The following RAB40C variants were observed in gnomAD, a reference collection of about 807,000 sequenced individuals.
RAB40C encodes the protein ras-related protein Rab-40C.
In RAB40C, 8 loss-of-function variants were observed where a neutral mutation model predicts 28.1. The observed-to-expected ratio is 0.28, with a 90% CI of 0.17 to 0.51. The LOEUF (loss-of-function observed/expected upper bound fraction) is 0.51. RAB40C is among the 20% of genes least tolerant of loss of function. The pLI, the probability that RAB40C is intolerant of heterozygous loss-of-function variation, is 0.97. For missense variants in RAB40C, 288 were observed against 405.9 expected, an observed-to-expected ratio of 0.71 and a Z score of 2.50; for synonymous variants, 201 against 171.7, an observed-to-expected ratio of 1.17 and a Z score of -1.34.
chr16:622,944 C>G (rs746224969), intron 3 of RAB40C, among the ~76,000 whole-genome samples: 1 of 152,188 alleles, frequency 6.6e-6, no homozygotes, highest in Admixed American at 6.5e-5. Flanking sequence ...TGCTGGTCAC[C>G]GAGAGTCTCC....
At chr16:622,563 C>T (rs368288404) in intron 3 of RAB40C, among the ~76,000 whole-genome samples, 13 of 152,290 alleles carry the variant, frequency 8.5e-5, no homozygotes, top group African/African-American at 2.4e-4. Flanking sequence ...GCTGGAGTGC[C>T]GTGGCGCGAT....
At chr16:603,740 C>T (rs1316589952) in intron 1 of RAB40C, among the ~76,000 whole-genome samples, 1 of 152,120 alleles carries the variant, frequency 6.6e-6, no homozygotes, top group Non-Finnish European at 1.5e-5. Flanking sequence ...CACATCCACT[C>T]TCCTCCCAGA....
intron 1 of RAB40C, among the ~76,000 whole-genome samples, chr16:595,290 C>G (rs2036090033): frequency 6.6e-6 from 1 of 152,224 alleles, no homozygotes; most frequent in Admixed American, 6.5e-5. Flanking sequence ...GGCAGCACCA[C>G]CCCCACTGTG....
intron 1 of RAB40C, among the ~76,000 whole-genome samples, chr16:600,041 C>T (rs61177993): frequency 3.3e-5 from 5 of 151,178 alleles, no homozygotes; most frequent in South Asian, 2.1e-4. Flanking sequence ...TTTGTTCCCT[C>T]GTGGCATCAG....
intron 1 of RAB40C, among the ~76,000 whole-genome samples, chr16:591,296 C>T (rs1450638605): frequency 4.7e-5 from 7 of 149,988 alleles, no homozygotes; most frequent in Non-Finnish European, 1.5e-5. Flanking sequence ...GCATCATGGT[C>T]CTAAGGGAAG....
At chr16:611,666 G>A (rs1270510459) in intron 1 of RAB40C, among the ~76,000 whole-genome samples, 4 of 143,434 alleles carry the variant, frequency 2.8e-5, no homozygotes, top group Non-Finnish European at 6.1e-5. Flanking sequence ...CAAGAGCAGA[G>A]ACAGCCGCCC....
chr16:604,332 A>G (rs185653670), intron 1 of RAB40C, among the ~76,000 whole-genome samples: 2 of 152,342 alleles, frequency 1.3e-5, no homozygotes, highest in South Asian at 2.1e-4. Context: ...GCACTAAACT[A>G]TAACACAAAT....
At chr16:596,146 G>A (rs2036119159) in intron 1 of RAB40C, among the ~76,000 whole-genome samples, 1 of 152,248 alleles carries the variant, frequency 6.6e-6, no homozygotes, top group African/African-American at 2.4e-5. Context: ...GCAGGGTGGT[G>A]TGGACACAGA....
chr16:604,546 A>G (rs891330079), intron 1 of RAB40C, among the ~76,000 whole-genome samples: 1 of 151,022 alleles, frequency 6.6e-6, no homozygotes, highest in African/African-American at 2.4e-5. Context: ...GTGTTTCTCT[A>G]GAATATATGT....
chr16:607,709 T>C (rs2036391713), intron 1 of RAB40C, among the ~76,000 whole-genome samples: 1 of 152,072 alleles, frequency 6.6e-6, no homozygotes, highest in African/African-American at 2.4e-5. Context: ...GAGAATGGCA[T>C]GAACCCAGAA....
In RAB40C at chr16:626,110, G is replaced by A. The variant is rs772126157; in HGVS notation, c.554G>A (p.Arg185Lys). Residue 185 changes from arginine (R) to lysine (K), a missense_variant, in exon 5 of 6, where the codon AGG becomes AAG. This residue lies in a region of RAB40C where 153 missense variants were observed against 262.4 expected (regional missense o/e 0.58). Coordinates refer to ENST00000248139, the MANE Select transcript of RAB40C (RefSeq NM_021168.5). ...CGGCACGGCATGGAGAAGATCTGGAGGCCCAACCGAGGTGGGTGGGCGGGC... is the reference window on the plus strand; with the variant it reads ...CGGCACGGCATGGAGAAGATCTGGAAGCCCAACCGAGGTGGGTGGGCGGGC... The part of the protein sequence containing the change: ...LMRHGMEKIW[R>K]PNRVFSLQDL... 1 of 1,612,844 alleles carries A rather than the reference G, an allele frequency of 6.2e-7. No individual in the cohort carries two copies. Among genetic ancestry groups the A allele is most frequent in the Non-Finnish European group, 8.5e-7 (1 of 1,179,834 alleles).
chr16:614,002 C>T (rs965153986), intron 1 of RAB40C, among the ~76,000 whole-genome samples: 2 of 152,248 alleles, frequency 1.3e-5, no homozygotes, highest in African/African-American at 4.8e-5. Flanking sequence ...GCTGCGGCCT[C>T]TACTGCATCC....
intron 3 of RAB40C, 47 bp from the exon 4 acceptor site, chr16:625,385 G>T: frequency 6.3e-7 from 1 of 1,598,172 alleles, no homozygotes; most frequent in Non-Finnish European, 8.6e-7. Flanking sequence ...GCCTGGGCTG[G>T]CCATGCGTGT....
chr16:626,598 C>G (rs1239980071), intron 5 of RAB40C, among the ~76,000 whole-genome samples: 3 of 152,194 alleles, frequency 2.0e-5, no homozygotes, highest in African/African-American at 4.8e-5. Flanking sequence ...GCAGGGTTCA[C>G]TGCTGAACAG....
At chr16:613,124 G>C (rs1225440323) in intron 1 of RAB40C, among the ~76,000 whole-genome samples, 4 of 125,892 alleles carry the variant, frequency 3.2e-5, no homozygotes, top group Admixed American at 7.5e-5. Context: ...CAGCCGCCCT[G>C]GCCTGTAGAA....
At position 620,738 on chromosome 16, in the gene RAB40C, TCCACCGCGGGCATCCCAGCCCCCCGCC is replaced by T. The variant is rs1341874493; in HGVS notation, c.264+2479_264+2505del. Among the ~76,000 whole-genome samples the T allele has an allele frequency of 4.4e-3, 355 of 79,988 alleles. 52 individuals carry two copies. The highest frequency in any genetic ancestry group is 0.017 in the African/African-American group (306 of 17,976). The allele number at this position is 79,988 out of a possible 152,430, so 52.5% of individuals were successfully genotyped here. On this transcript the variant is annotated intron_variant, in intron 3 of 5. Coordinates refer to ENST00000248139, the MANE Select transcript of RAB40C (RefSeq NM_021168.5). ...GCATCCCAGCCCCCCGCCGACGGGCTCCACCGCGGGCATCCCAGCCCCCCGCCGACGGGCTCCACCGCGGGCATCCCA... is the reference window on the plus strand; with the variant it reads ...GCATCCCAGCCCCCCGCCGACGGGCTGACGGGCTCCACCGCGGGCATCCCA...
At position 623,596 on chromosome 16, in the gene RAB40C, G is replaced by A. The variant is rs577364753; in HGVS notation, c.265-1836G>A. ...GTGAACCCGGAAGCGGAGATCGTGC[G>A]GCTGCACTCCAGCCTGGGCGACAGA... On this transcript the variant is annotated intron_variant, in intron 3 of 5. Coordinates refer to ENST00000248139, the MANE Select transcript of RAB40C (RefSeq NM_021168.5). 3.8e-3 allele frequency among the ~76,000 whole-genome samples: 564 copies of A among 149,896 alleles called. 1 individual carries two copies. The highest frequency in any genetic ancestry group is 6.0e-3 in the Non-Finnish European group (402 of 67,528).
In RAB40C at chr16:601,935, G is replaced by T. The variant is rs376694286; in HGVS notation, c.142+11502G>T. Among the ~76,000 whole-genome samples the T allele has an allele frequency of 9.2e-5, 14 of 151,436 alleles. 1 individual carries two copies. Among genetic ancestry groups the T allele is most frequent in the African/African-American group, 3.4e-4 (14 of 41,238 alleles). ...GAGGTCAGGAGATTGGGACCATCCT[G>T]GCCAGCATGGTGAAACTCCGTCTCT... On this transcript the variant is annotated intron_variant, in intron 1 of 5. Coordinates refer to ENST00000248139, the MANE Select transcript of RAB40C (RefSeq NM_021168.5).
chr16:617,409 G>T (rs2036609955), intron 2 of RAB40C, 141 bp downstream of exon 2: 1 of 1,019,620 alleles, frequency 9.8e-7, no homozygotes, highest in Middle Eastern at 2.1e-4. Flanking sequence ...TTTAAACATA[G>T]AATGGATTTT....
Sources: allele counts gnomAD v4.1 joint callset (sites outside exome capture counted in the v4.1 genomes callset), GRCh38; gene constraint gnomAD v4.1.1; regional missense constraint gnomAD v4.1.1; transcripts MANE v1.5; gene names NCBI Gene and HGNC (gene_info 2026-07-23, HGNC 2026-07-21).